TNFRSF4: variants seen among roughly 807,000 people sequenced by gnomAD.
TNFRSF4 encodes the protein tumor necrosis factor receptor superfamily member 4.
TNFRSF4 carries 21 observed loss-of-function variants against 29.5 expected under a neutral mutation model. That is an observed-to-expected ratio of 0.71 (90% CI 0.51 to 1.03). The LOEUF (loss-of-function observed/expected upper bound fraction) is 1.03. Among genes scored for constraint, TNFRSF4 ranks in the 50% least tolerant of loss-of-function variants. The pLI is 0.00. For synonymous variants in TNFRSF4, 197 were observed against 172.7 expected, an observed-to-expected ratio of 1.14 and a Z score of -1.10; for missense variants, 408 against 387.8, an observed-to-expected ratio of 1.05 and a Z score of -0.44.
In TNFRSF4 at chr1:1,214,121, C is replaced by T. The variant is rs751046781; in HGVS notation, c.7G>A (p.Val3Met). The change falls in exon 1 of 7, where the codon GTG (valine) becomes ATG (methionine). Residue 3 changes from valine (V) to methionine (M), a missense_variant. Coordinates refer to ENST00000379236, the MANE Select transcript of TNFRSF4 (RefSeq NM_003327.4). The surrounding 1 kb of genome is among the most constrained non-coding windows in gnomAD (Gnocchi z 4.2). The stretch of plus-strand genomic sequence containing the variant: ...CCGCGGCCCAGCCGCCGAGCCCCCA[C>T]GCACATCCTCGTCTCTGCTGTCGCC... MCVGARRLGRGPC... is the reference protein window; with the variant it reads MCMGARRLGRGPC... 7.6e-6 allele frequency: 12 copies of T among 1,579,564 alleles called. No individual in the cohort carries two copies. Among genetic ancestry groups the T allele is most frequent in the South Asian group, 5.7e-5 (5 of 87,876 alleles).
chr1:1,211,723 G>T lies in TNFRSF4; in HGVS notation c.744C>A (p.Pro248=), dbSNP rs369942416. The T allele has an allele frequency of 1.3e-6, 2 of 1,584,602 alleles. No individual in the cohort carries two copies. Among genetic ancestry groups the T allele is most frequent in the African/African-American group, 2.7e-5 (2 of 74,250 alleles). Residue 248 remains proline (P), a synonymous_variant, in exon 6 of 7, where the codon CCC becomes CCA. Transcript: ENST00000379236. The part of the protein sequence containing the change: ...YLLRRDQRLP[P]DAHKPPGGGS... ...ACTCACCAGGGGGCTTGTGGGCATC[G>T]GGGGGCAGCCTCTGGTCCCTCCGGA... is the stretch of plus-strand genomic sequence containing the variant.
In TNFRSF4 at chr1:1,211,789, C is replaced by G; in HGVS notation, c.678G>C (p.Gly226=). Reference sequence around the variant, plus strand: ...GCAGGATGGCCAGGGGGCCCAGCAGCCCCAGCACCAGGCCCAGGCCCAGGA... The same window carrying G: ...GCAGGATGGCCAGGGGGCCCAGCAGGCCCAGCACCAGGCCCAGGCCCAGGA... ...AAILGLGLVL[G]LLGPLAILLA... Residue 226 remains glycine, a synonymous_variant, in exon 6 of 7, where the codon GGG becomes GGC. Transcript: ENST00000379236. The G allele has an allele frequency of 6.4e-7, 1 of 1,557,712 alleles. No homozygotes were observed. The highest frequency in any genetic ancestry group is 8.7e-7 in the Non-Finnish European group (1 of 1,154,428).
At chr1:1,213,612 G>T in intron 2 of TNFRSF4, 51 bp downstream of exon 2, 1 of 1,526,674 alleles carries the variant, frequency 6.6e-7, no homozygotes, top group East Asian at 2.4e-5. Context: ...GTGGGTGCCA[G>T]GCTGCCGCCC....
Position 1,213,038 on chromosome 1 carries a change from G to T in TNFRSF4, c.324C>A (p.Arg108=). 1 of 1,611,594 alleles carries T rather than the reference G, an allele frequency of 6.2e-7. No individual in the cohort carries two copies. Among genetic ancestry groups the T allele is most frequent in the South Asian group, 1.1e-5 (1 of 90,984 alleles). ...LCTATQDTVC[R]CRAGTQPLDS... The stretch of plus-strand genomic sequence containing the variant: ...CCAGGGGCTGGGTGCCCGCCCGGCA[G>T]CGGCAGACTGTGTCCTGTGTGGCCG... Residue 108 remains arginine (R), a synonymous_variant, in exon 3 of 7, where the codon CGC becomes CGA. Coordinates refer to ENST00000379236, the MANE Select transcript of TNFRSF4 (RefSeq NM_003327.4).
At position 1,211,634 on chromosome 1, in the gene TNFRSF4, G is replaced by GA; in HGVS notation, c.764-10dup. The GA allele has an allele frequency of 1.3e-6, 2 of 1,557,654 alleles. No individual in the cohort carries two copies. Among genetic ancestry groups the GA allele is most frequent in the South Asian group, 1.2e-5 (1 of 84,018 alleles). On this transcript the variant is annotated splice_polypyrimidine_tract_variant and intron_variant, in intron 6 of 6. Coordinates refer to ENST00000379236, the MANE Select transcript of TNFRSF4 (RefSeq NM_003327.4). Reference sequence around the variant, plus strand: ...CCGGAAACTGCCTCCCCCTGGGGAGGAAAAAAGGAGAGATTGGTGGGTGGG... The same window carrying GA: ...CCGGAAACTGCCTCCCCCTGGGGAGGAAAAAAAGGAGAGATTGGTGGGTGGG...
intron 3 of TNFRSF4, 91 bp from the exon 4 acceptor site, chr1:1,212,795 C>A (rs1649230284): frequency 4.6e-6 from 6 of 1,297,246 alleles, no homozygotes; most frequent in South Asian, 3.0e-5. Context: ...ACTTGCCCCC[C>A]ATGGCTGGGT....
Position 1,212,023 on chromosome 1 carries a change from T to A in TNFRSF4, c.553A>T (p.Arg185Trp). 2 of 1,610,596 alleles carry A rather than the reference T, an allele frequency of 1.2e-6. No individual in the cohort carries two copies. The highest frequency in any genetic ancestry group is 1.7e-6 in the Non-Finnish European group (2 of 1,178,966). The change falls in exon 5 of 7, where the codon AGG becomes TGG. Residue 185 changes from arginine (R) to tryptophan (W), a missense_variant. Transcript: ENST00000379236. ...QPQETQGPPA[R>W]PITVQPTEAW... is the part of the protein sequence containing the mutation. ...TCAGTGGGCTGGACAGTGATGGGCC[T>A]GGCCGGGGGGCCCTGGGTCTCCTGG... is the stretch of plus-strand genomic sequence containing the variant.
At chr1:1,213,932 GC>G in intron 1 of TNFRSF4, 50 bp downstream of exon 1, 17 of 1,176,626 alleles carry the variant, frequency 1.4e-5, no homozygotes, top group Non-Finnish European at 1.8e-5. Context: ...CCCTGCCCCA[GC>G]CCCCAGTCCC....
chr1:1,213,693 G>A lies in TNFRSF4; in HGVS notation c.238C>T (p.Pro80Ser). The change falls in exon 2 of 7, where the codon CCG becomes TCG. Residue 80 changes from proline to serine, a missense_variant. Physicochemically the swap from Pro to Ser is moderately conservative, Grantham distance 74. Transcript: ENST00000379236. Reference sequence around the variant, plus strand: ...TTACACCACGTGCAGGGCTTGCACGGCTTGGAGCTGACCACGTCGTTGTAG... The same window carrying A: ...TTACACCACGTGCAGGGCTTGCACGACTTGGAGCTGACCACGTCGTTGTAG... ...GFYNDVVSSK[P>S]CKPCTWCNLR... 1 of 1,596,384 alleles carries A rather than the reference G, an allele frequency of 6.3e-7. No homozygotes were observed.
In TNFRSF4 at chr1:1,214,104, C is replaced by A; in HGVS notation, c.24G>T (p.Leu8=). Residue 8 remains leucine, a synonymous_variant, in exon 1 of 7, where the codon CTG becomes CTT. Coordinates refer to ENST00000379236, the MANE Select transcript of TNFRSF4 (RefSeq NM_003327.4). This position sits in a 1 kb window ranked among gnomAD's most constrained non-coding sequence, Gnocchi z 4.2. MCVGARR[L]GRGPCAALLL... Reference sequence around the variant, plus strand: ...GCAGAGCCGCACACGGCCCGCGGCCCAGCCGCCGAGCCCCCACGCACATCC... The same window carrying A: ...GCAGAGCCGCACACGGCCCGCGGCCAAGCCGCCGAGCCCCCACGCACATCC... 6.3e-7 allele frequency: 1 copy of A among 1,584,388 alleles called. No individual in the cohort carries two copies. The highest frequency in any genetic ancestry group is 2.3e-5 in the East Asian group (1 of 43,972).
chr1:1,212,198 G>C, intron 4 of TNFRSF4, 60 bp from the exon 5 acceptor site: 2 of 1,580,870 alleles, frequency 1.3e-6, no homozygotes, highest in Non-Finnish European at 1.7e-6. Flanking sequence ...GGGAGATGCG[G>C]TGGGGATAAC....
Position 1,214,114 on chromosome 1 carries a change from GC to G in TNFRSF4, c.13del (p.Ala5LeufsTer19), listed in dbSNP as rs1204093879. The G allele has an allele frequency of 1.3e-6, 2 of 1,582,424 alleles. No individual in the cohort carries two copies. Among genetic ancestry groups the G allele is most frequent in the Admixed American group, 1.7e-5 (1 of 57,182 alleles). MCVG[A>X]RRLGRGPCAA... Reference sequence around the variant, plus strand: ...ACACGGCCCGCGGCCCAGCCGCCGAGCCCCCACGCACATCCTCGTCTCTGCT... The same window carrying G: ...ACACGGCCCGCGGCCCAGCCGCCGAGCCCCACGCACATCCTCGTCTCTGCT... On this transcript the variant is annotated frameshift_variant, in exon 1 of 7. Transcript: ENST00000379236. LOFTEE classifies it high-confidence loss of function. The surrounding 1 kb of genome is among the most constrained non-coding windows in gnomAD (Gnocchi z 4.2).
chr1:1,211,825 C>T lies in TNFRSF4; in HGVS notation c.642G>A (p.Ala214=), dbSNP rs1053113561. 1.4e-5 allele frequency: 22 copies of T among 1,547,408 alleles called. No individual in the cohort carries two copies. The highest frequency in any genetic ancestry group is 9.5e-5 in the African/African-American group (7 of 73,376). The change falls in exon 6 of 7, where the codon GCG becomes GCA. Residue 214 remains alanine, a synonymous_variant. Coordinates refer to ENST00000379236, the MANE Select transcript of TNFRSF4 (RefSeq NM_003327.4). ...TRPVEVPGGR[A]VAAILGLGLV... ...GGCCCAGGCCCAGGATGGCGGCAACCGCACGGCCTGCAGGAAGGGGTCTGC... is the reference window on the plus strand; with the variant it reads ...GGCCCAGGCCCAGGATGGCGGCAACTGCACGGCCTGCAGGAAGGGGTCTGC...
chr1:1,213,714 T>C lies in TNFRSF4; in HGVS notation c.217A>G (p.Asn73Asp), dbSNP rs776299984. Residue 73 changes from asparagine to aspartate, a missense_variant, in exon 2 of 7, where the codon AAC (asparagine) becomes GAC (aspartate). By Grantham distance (23) the Asn-to-Asp change is conservative. Transcript: ENST00000379236. The part of the protein sequence containing the change: ...VCRPCGPGFY[N>D]DVVSSKPCKP... ...CACGGCTTGGAGCTGACCACGTCGT[T>C]GTAGAAGCCCGGCCCGCACGGACGG... is the stretch of plus-strand genomic sequence containing the variant. The C allele has an allele frequency of 1.3e-5, 21 of 1,599,672 alleles. No individual in the cohort carries two copies. The highest frequency in any genetic ancestry group is 2.3e-5 in the East Asian group (1 of 44,224).
intron 3 of TNFRSF4, 34 bp from the exon 4 acceptor site, chr1:1,212,738 A>T: frequency 6.7e-7 from 1 of 1,497,430 alleles, no homozygotes; most frequent in Non-Finnish European, 9.0e-7. Flanking sequence ...GGGGCTGCCC[A>T]CAGGCCCCGG....
rs2100948983 is a variant in TNFRSF4, at chr1:1,211,593, C to T, written c.796G>A (p.Glu266Lys). ...GGSFRTPIQE[E>K]QADAHSTLAK... ...AGGGTGGAGTGGGCGTCGGCCTGCT[C>T]CTCTTGGATGGGGGTCCGGAAACTG... Residue 266 changes from glutamate (E) to lysine (K), a missense_variant, in exon 7 of 7, where the codon GAG becomes AAG. Coordinates refer to ENST00000379236, the MANE Select transcript of TNFRSF4 (RefSeq NM_003327.4). 2 of 1,526,414 alleles carry T rather than the reference C, an allele frequency of 1.3e-6. No homozygotes were observed. Among genetic ancestry groups the T allele is most frequent in the East Asian group, 2.4e-5 (1 of 42,094 alleles). 94.6% of individuals were successfully genotyped at this position (1,526,414 alleles called of 1,614,324 possible).
At chr1:1,213,846 C>A (rs1183899168) in intron 1 of TNFRSF4, 61 bp from the exon 2 acceptor site, 5 of 1,514,048 alleles carry the variant, frequency 3.3e-6, no homozygotes, top group South Asian at 2.5e-5. Context: ...GTGGACCCCC[C>A]CAGGCGGCTC....
At position 1,212,646 on chromosome 1, in the gene TNFRSF4, G is replaced by A. The variant is rs1219126946; in HGVS notation, c.429C>T (p.Pro143=). ...FSPGDNQACK[P]WTNCTLAGKH... Reference sequence around the variant, plus strand: ...CTGGCCAGGCCCCTCACTTGGTCCAGGGCTTGCAGGCCTGGTTGTCGCCTG... The same window carrying A: ...CTGGCCAGGCCCCTCACTTGGTCCAAGGCTTGCAGGCCTGGTTGTCGCCTG... Residue 143 remains proline, a synonymous_variant, in exon 4 of 7, where the codon CCC becomes CCT. Coordinates refer to ENST00000379236, the MANE Select transcript of TNFRSF4 (RefSeq NM_003327.4). 17 of 1,426,856 alleles carry A rather than the reference G, an allele frequency of 1.2e-5. No individual in the cohort carries two copies. Among genetic ancestry groups the A allele is most frequent in the Middle Eastern group, 2.2e-4 (1 of 4,470 alleles). The allele number at this position is 1,426,856 out of a possible 1,614,324, so 88.4% of individuals were successfully genotyped here. A position where few individuals can be genotyped will look rare whatever the true frequency, so the allele number is the denominator to read the frequency against.
intron 4 of TNFRSF4, 42 bp downstream of exon 4, chr1:1,212,596 A>AACCC: frequency 6.0e-5 from 51 of 845,382 alleles, no homozygotes; most frequent in Non-Finnish European, 7.0e-5. Flanking sequence ...AACCACCCCA[A>AACCC]CCCCCCCCCA....
Sources: gnomAD v4.1 joint callset for allele counts on GRCh38, gnomAD v4.1.1 for gene constraint, Gnocchi (gnomAD v3.1) non-coding constraint, MANE v1.5 for transcripts, NCBI Gene and HGNC (gene_info 2026-07-23, HGNC 2026-07-21) for gene names.